CREBBP: variants seen among roughly 807,000 people sequenced by gnomAD.
CREBBP encodes CREB binding lysine acetyltransferase.
Under a neutral mutation model 265.0 loss-of-function variants are expected in CREBBP, and 19 were observed. The observed-to-expected ratio is 0.07, with a 90% CI of 0.05 to 0.11. The LOEUF (loss-of-function observed/expected upper bound fraction) is 0.11. Ranked by LOEUF, CREBBP falls within the 10% of genes least tolerant of loss-of-function variation. The pLI is 1.00. For missense variants in CREBBP, 2,525 were observed against 3,219.0 expected, an observed-to-expected ratio of 0.78 and a Z score of 5.22; for synonymous variants, 1,457 against 1,223.7, an observed-to-expected ratio of 1.19 and a Z score of -3.98.
intron 1 of CREBBP, among the ~76,000 whole-genome samples, chr16:3,864,289 A>G (rs1278156403): frequency 6.6e-6 from 1 of 152,188 alleles, no homozygotes; most frequent in Non-Finnish European, 1.5e-5. Context: ...TCCATGTACA[A>G]CGCGTGGAGG....
intron 3 of CREBBP, among the ~76,000 whole-genome samples, chr16:3,794,740 G>C (rs2053575238): frequency 6.6e-6 from 1 of 152,202 alleles, no homozygotes; most frequent in African/African-American, 2.4e-5. Flanking sequence ...GACCCATAGA[G>C]TCTTCTTCTT....
intron 1 of CREBBP, among the ~76,000 whole-genome samples, chr16:3,871,969 G>A (rs528102100): frequency 1.3e-4 from 20 of 152,290 alleles, no homozygotes; most frequent in Non-Finnish European, 2.5e-4. Flanking sequence ...TAATCATGTA[G>A]AATTATTTTC....
chr16:3,740,609 G>A lies in CREBBP; in HGVS notation c.3983-60C>T, dbSNP rs956612054. 18 of 1,593,164 alleles carry A rather than the reference G, an allele frequency of 1.1e-5. No individual in the cohort carries two copies. In the African/African-American group the frequency reaches 2.3e-4, roughly 20 times the overall value. On this transcript the variant is annotated intron_variant, in intron 23 of 30. Transcript: ENST00000262367. Reference sequence around the variant, plus strand: ...CAACAGCACTGCTGAGACAGTGACTGAGACTAGAGAATCCACCCCACTTTG... The same window carrying A: ...CAACAGCACTGCTGAGACAGTGACTAAGACTAGAGAATCCACCCCACTTTG...
At chr16:3,871,815 G>C (rs1213093068) in intron 1 of CREBBP, among the ~76,000 whole-genome samples, 2 of 152,200 alleles carry the variant, frequency 1.3e-5, no homozygotes, top group Non-Finnish European at 2.9e-5. Flanking sequence ...CACAGATTAT[G>C]CAAATTCGAA....
At chr16:3,732,612 G>C (rs2051946415) in intron 28 of CREBBP, among the ~76,000 whole-genome samples, 1 of 152,142 alleles carries the variant, frequency 6.6e-6, no homozygotes, top group Non-Finnish European at 1.5e-5. Context: ...CCAGGCTGGA[G>C]TGCAGTGGTG....
intron 2 of CREBBP, chr16:3,812,913 G>A (rs1567332981): frequency 4.9e-6 from 1 of 203,578 alleles, no homozygotes; most frequent in Non-Finnish European, 1.0e-5. Context: ...AGAAATCATA[G>A]CTCAGTTCTC....
intron 1 of CREBBP, among the ~76,000 whole-genome samples, chr16:3,877,464 G>A (rs543589385): frequency 3.3e-5 from 5 of 152,180 alleles, no homozygotes; most frequent in African/African-American, 1.2e-4. Flanking sequence ...GTGCAGTGGC[G>A]CGATCTTGGC....
intron 4 of CREBBP, 129 bp from the exon 5 acceptor site, chr16:3,792,223 G>A: frequency 9.7e-6 from 8 of 822,354 alleles, no homozygotes; most frequent in Admixed American, 2.0e-5. Flanking sequence ...AGTATAGGCA[G>A]TCCTCAACTT....
chr16:3,806,638 G>A (rs1177928669), intron 3 of CREBBP, among the ~76,000 whole-genome samples: 3 of 152,036 alleles, frequency 2.0e-5, no homozygotes, highest in Non-Finnish European at 4.4e-5. Flanking sequence ...TAAGCAAGAC[G>A]TCACCAAGAA....
Position 3,850,558 on chromosome 16 carries a change from A to C in CREBBP, c.537T>G (p.Ala179=). The C allele has an allele frequency of 6.2e-7, 1 of 1,614,250 alleles. No individual in the cohort carries two copies. Among genetic ancestry groups the C allele is most frequent in the Non-Finnish European group, 8.5e-7 (1 of 1,180,044 alleles). Residue 179 remains alanine, a synonymous_variant, in exon 2 of 31, where the codon GCT becomes GCG. Transcript: ENST00000262367. ...GGCCTGGGTGGGTCTGGTTAAAGTT[A>C]GCATTCATGCAGATACCAGGTCCAG... ...SQTGPGICMN[A]NFNQTHPGLL...
At chr16:3,759,479 C>T (rs192971773) in intron 16 of CREBBP, among the ~76,000 whole-genome samples, 1 of 151,464 alleles carries the variant, frequency 6.6e-6, no homozygotes, top group South Asian at 2.1e-4. Flanking sequence ...CCCCGCTACT[C>T]GAGAGGGTGA....
intron 23 of CREBBP, among the ~76,000 whole-genome samples, chr16:3,743,938 A>G (rs1298673761): frequency 6.6e-6 from 1 of 151,998 alleles, no homozygotes; most frequent in Non-Finnish European, 1.5e-5. Context: ...TAGCTGGGCA[A>G]GGTGGCGGGC....
Position 3,729,200 on chromosome 16 carries a change from G to A in CREBBP, c.5847C>T (p.Ala1949=), listed in dbSNP as rs2051841339. The A allele has an allele frequency of 6.5e-7, 1 of 1,531,128 alleles. No individual in the cohort carries two copies. 94.8% of individuals were successfully genotyped at this position (1,531,128 alleles called of 1,614,324 possible). The change falls in exon 31 of 31, where the codon GCC becomes GCT. Residue 1949 remains alanine, a synonymous_variant. Transcript: ENST00000262367. The stretch of plus-strand genomic sequence containing the variant: ...CTTCCACCGCTGCAGGAGGGGGCTG[G>A]GCCGGGGGTGGGGGGGCCGGCACCT... ...TSQVPAPPPP[A]QPPPAAVEAA... is the part of the protein sequence containing the mutation.
At chr16:3,782,174 T>C (rs1349750778) in intron 6 of CREBBP, among the ~76,000 whole-genome samples, 33 of 151,976 alleles carry the variant, frequency 2.2e-4, no homozygotes, top group Non-Finnish European at 2.9e-5. Context: ...GGCTGGCAAA[T>C]AATGGGCTGG....
rs587783498 is a variant in CREBBP, at chr16:3,736,643, C to G, written c.4560+7G>C. Reference sequence around the variant, plus strand: ...AAAAGCCACCACCTTCCTTCAGCGCCGGGTACCTTGTAGTCATGGATGATC... The same window carrying G: ...AAAAGCCACCACCTTCCTTCAGCGCGGGGTACCTTGTAGTCATGGATGATC... On this transcript the variant is annotated splice_region_variant and intron_variant, in intron 27 of 30. Transcript: ENST00000262367. 110 of 1,614,100 alleles carry G rather than the reference C, an allele frequency of 6.8e-5. No homozygotes were observed. Among genetic ancestry groups the G allele is most frequent in the Non-Finnish European group, 8.9e-5 (105 of 1,180,052 alleles).
chr16:3,820,021 A>AAGGT (rs2054111825), intron 2 of CREBBP, among the ~76,000 whole-genome samples: 1 of 152,246 alleles, frequency 6.6e-6, no homozygotes, highest in Non-Finnish European at 1.5e-5. Context: ...TAAAACCACA[A>AAGGT]ATTCATATAA....
At chr16:3,829,326 A>C (rs1054414229) in intron 2 of CREBBP, among the ~76,000 whole-genome samples, 1 of 152,216 alleles carries the variant, frequency 6.6e-6, no homozygotes, top group African/African-American at 2.4e-5. Flanking sequence ...TAAAGTGTGA[A>C]ATACACAGTC....
rs1479389341 is a variant in CREBBP, at chr16:3,859,595, T to A, written c.86-8586A>T. Among the ~76,000 whole-genome samples, 3 of 152,138 alleles carry A rather than the reference T, an allele frequency of 2.0e-5. No homozygotes were observed. The East Asian group carries it at 5.8e-4, about 29-fold the overall frequency. ...CCAGGAAGACCAAGGCATGACTGAT[T>A]AGAGGACTGGGACTTTCAGCCCATC... On this transcript the variant is annotated intron_variant, in intron 1 of 30. Coordinates refer to ENST00000262367, the MANE Select transcript of CREBBP (RefSeq NM_004380.3).
At position 3,771,997 on chromosome 16, in the gene CREBBP, T is replaced by C. The variant is rs189468976; in HGVS notation, c.2464-1011A>G. Among the ~76,000 whole-genome samples, 38 of 151,768 alleles carry C rather than the reference T, an allele frequency of 2.5e-4. 3 individuals are homozygous for C. The highest frequency in any genetic ancestry group is 1.9e-3 in the East Asian group (10 of 5,166). On this transcript the variant is annotated intron_variant, in intron 13 of 30. Transcript: ENST00000262367. ...AGCTAATTAATTTAAAATTTATGAATTGTTTATTCCCAGAATTTCCCATTT... is the reference window on the plus strand; with the variant it reads ...AGCTAATTAATTTAAAATTTATGAACTGTTTATTCCCAGAATTTCCCATTT...
Sources: gnomAD v4.1 joint callset for allele counts (sites outside exome capture counted in the v4.1 genomes callset) on GRCh38, gnomAD v4.1.1 for gene constraint, MANE v1.5 for transcripts, NCBI Gene and HGNC (gene_info 2026-07-23, HGNC 2026-07-21) for gene names.